PTPRN2: variants seen among roughly 807,000 people sequenced by gnomAD.
PTPRN2 encodes protein tyrosine phosphatase receptor type N2.
Under a neutral mutation model 118.8 loss-of-function variants are expected in PTPRN2, and 74 were observed. The ratio of observed to expected loss-of-function variants is 0.62; its 90% confidence interval spans 0.52 to 0.76. PTPRN2 has a LOEUF of 0.76. PTPRN2 is among the 30% of genes least tolerant of loss of function. The pLI, the probability that PTPRN2 is intolerant of heterozygous loss-of-function variation, is 0.00. For synonymous variants in PTPRN2, 641 were observed against 608.0 expected, an observed-to-expected ratio of 1.05 and a Z score of -0.80; for missense variants, 1,481 against 1,394.4, an observed-to-expected ratio of 1.06 and a Z score of -0.99.
intron 3 of PTPRN2, among the ~76,000 whole-genome samples, chr7:158,258,850 G>A (rs1371946878): frequency 6.6e-6 from 1 of 152,220 alleles, no homozygotes; most frequent in Non-Finnish European, 1.5e-5. Context: ...GAAGCCAGAA[G>A]TCTCCTGCAG....
In PTPRN2 at chr7:157,548,930, G is replaced by A. The variant is rs1798460386; in HGVS notation, c.2976+16C>T. ...CCTTGAATGGGTCTGCGTCCCGGAGGAGAGACTGACAGTACCTTCGTCTGG... is the reference window on the plus strand; with the variant it reads ...CCTTGAATGGGTCTGCGTCCCGGAGAAGAGACTGACAGTACCTTCGTCTGG... On this transcript the variant is annotated intron_variant, in intron 22 of 22. Coordinates refer to ENST00000389418, the MANE Select transcript of PTPRN2 (RefSeq NM_002847.5). The A allele has an allele frequency of 6.2e-7, 1 of 1,612,492 alleles. No homozygotes were observed. Among genetic ancestry groups the A allele is most frequent in the Non-Finnish European group, 8.5e-7 (1 of 1,178,598 alleles).
intron 12 of PTPRN2, among the ~76,000 whole-genome samples, chr7:157,751,491 G>A (rs1449817300): frequency 6.6e-6 from 1 of 152,226 alleles, no homozygotes; most frequent in African/African-American, 2.4e-5. Flanking sequence ...GAGTGGCTGA[G>A]TGCCTGCTCT....
chr7:158,425,968 G>A (rs1182039442), intron 2 of PTPRN2, among the ~76,000 whole-genome samples: 31 of 113,328 alleles, frequency 2.7e-4, no homozygotes, highest in Non-Finnish European at 4.9e-4. Context: ...CGCAGAGTCC[G>A]AGACCAGCCT....
At chr7:158,380,340 G>A (rs1421495301) in intron 2 of PTPRN2, among the ~76,000 whole-genome samples, 1 of 152,172 alleles carries the variant, frequency 6.6e-6, no homozygotes, top group Non-Finnish European at 1.5e-5. Context: ...TGGAGGCATA[G>A]GTATTTGTTA....
At chr7:157,556,390 ACT>A (rs1381722669) in intron 21 of PTPRN2, among the ~76,000 whole-genome samples, 1 of 146,424 alleles carries the variant, frequency 6.8e-6, no homozygotes, top group Non-Finnish European at 1.5e-5. Context: ...ACCACACAAC[ACT>A]CACCCACACT....
At position 158,438,372 on chromosome 7, in the gene PTPRN2, A is replaced by G. The variant is rs1206527906; in HGVS notation, c.163+51363T>C. Among the ~76,000 whole-genome samples the G allele has an allele frequency of 6.6e-6, 1 of 152,226 alleles. No individual in the cohort carries two copies. The highest frequency in any genetic ancestry group is 2.4e-5 in the African/African-American group (1 of 41,474). On this transcript the variant is annotated intron_variant, in intron 2 of 22. Coordinates refer to ENST00000389418, the MANE Select transcript of PTPRN2 (RefSeq NM_002847.5). This position sits in a 1 kb window ranked among gnomAD's most constrained non-coding sequence, Gnocchi z 4.7. The stretch of plus-strand genomic sequence containing the variant: ...GAGTGGGACTCCATCTCAAAAAAAA[A>G]AAAGAAAAAGTTTTATTTTATTTTT...
At position 157,969,277 on chromosome 7, in the gene PTPRN2, T is replaced by C. The variant is rs1802153970; in HGVS notation, c.1724-70540A>G. On this transcript the variant is annotated intron_variant, in intron 11 of 22. Coordinates refer to ENST00000389418, the MANE Select transcript of PTPRN2 (RefSeq NM_002847.5). ...GGTGCATACCACCATGCCCAGCTTA[T>C]TTCTGTATTCTTTGTAGAGACGGGA... Among the ~76,000 whole-genome samples, 3 of 152,140 alleles carry C rather than the reference T, an allele frequency of 2.0e-5. No homozygotes were observed. In the South Asian group the frequency reaches 6.2e-4, roughly 32 times the overall value.
intron 5 of PTPRN2, among the ~76,000 whole-genome samples, chr7:158,188,356 G>C (rs1461065210): frequency 1.4e-4 from 4 of 29,086 alleles, no homozygotes; most frequent in Non-Finnish European, 2.0e-4. Context: ...CGCCACGCTC[G>C]CCGCCTGATG....
chr7:157,645,721 C>CACAG (rs1367025073), intron 14 of PTPRN2, among the ~76,000 whole-genome samples: 5 of 152,166 alleles, frequency 3.3e-5, no homozygotes, highest in African/African-American at 9.7e-5. Flanking sequence ...ACCACATGAC[C>CACAG]ACAGCAGCAC....
intron 5 of PTPRN2, among the ~76,000 whole-genome samples, chr7:158,183,743 C>G (rs1033041348): frequency 6.6e-6 from 1 of 152,220 alleles, no homozygotes; most frequent in Admixed American, 6.5e-5. Context: ...GTGTCTCCCC[C>G]TCACACTGTG....
At chr7:158,221,291 C>T (rs1399139449) in intron 3 of PTPRN2, among the ~76,000 whole-genome samples, 1 of 151,886 alleles carries the variant, frequency 6.6e-6, no homozygotes, top group Non-Finnish European at 1.5e-5. Context: ...ACACACCACT[C>T]TGGACACAGG....
At chr7:158,486,389 T>G (rs1821024539) in intron 2 of PTPRN2, among the ~76,000 whole-genome samples, 1 of 152,264 alleles carries the variant, frequency 6.6e-6, no homozygotes, top group Non-Finnish European at 1.5e-5. Context: ...ACATACCACC[T>G]GTGTTTGGAT....
At chr7:157,642,839 A>AAAAAAAAAAAAAAAC (rs1563293062) in intron 14 of PTPRN2, among the ~76,000 whole-genome samples, 4 of 148,344 alleles carry the variant, frequency 2.7e-5, no homozygotes, top group African/African-American at 4.9e-5. Flanking sequence ...AAAAAAAAAA[A>AAAAAAAAAAAAAAAC]AAAAAGCAGC....
intron 2 of PTPRN2, among the ~76,000 whole-genome samples, chr7:158,479,543 C>T (rs767806042): frequency 3.9e-5 from 6 of 152,316 alleles, no homozygotes; most frequent in South Asian, 2.1e-4. Context: ...AACTCTGAGA[C>T]GCAGAGCTGT....
intron 13 of PTPRN2, among the ~76,000 whole-genome samples, chr7:157,662,771 G>A (rs758794225): frequency 1.5e-4 from 23 of 152,188 alleles, no homozygotes; most frequent in Non-Finnish European, 2.2e-4. Flanking sequence ...CATCCATGCC[G>A]CGACTGCTTT....
chr7:158,016,443 G>C (rs1163053879), intron 11 of PTPRN2, among the ~76,000 whole-genome samples: 1 of 152,242 alleles, frequency 6.6e-6, no homozygotes. Flanking sequence ...GGGCCTCCCT[G>C]TCCGAGGCGC....
intron 4 of PTPRN2, among the ~76,000 whole-genome samples, chr7:158,200,247 C>G (rs970332745): frequency 6.6e-6 from 1 of 151,998 alleles, no homozygotes; most frequent in Non-Finnish European, 1.5e-5. Context: ...AATCAGGCAA[C>G]AAAAACAAAG....
chr7:157,967,072 C>T (rs528231418), intron 11 of PTPRN2, among the ~76,000 whole-genome samples: 61 of 152,328 alleles, frequency 4.0e-4, no homozygotes, highest in Middle Eastern at 3.4e-3. Flanking sequence ...ATAATCCCAA[C>T]ACTTTGTGAG....
At chr7:157,815,585 C>T (rs1297589004) in intron 12 of PTPRN2, among the ~76,000 whole-genome samples, 3 of 152,166 alleles carry the variant, frequency 2.0e-5, no homozygotes, top group Non-Finnish European at 2.9e-5. Flanking sequence ...ATTTAGATGA[C>T]GTCATGGGAG....
Sources: gnomAD v4.1 joint callset for allele counts (sites outside exome capture counted in the v4.1 genomes callset) on GRCh38, gnomAD v4.1.1 for gene constraint, Gnocchi (gnomAD v3.1) non-coding constraint, MANE v1.5 for transcripts, NCBI Gene and HGNC (gene_info 2026-07-23, HGNC 2026-07-21) for gene names.